Variants in KCNIP4 observed in about 807,000 individuals in gnomAD.
KCNIP4 encodes potassium voltage-gated channel interacting protein 4, also known as Kv channel-interacting protein 4.
Under a neutral mutation model 34.0 loss-of-function variants are expected in KCNIP4, and 12 were observed. That is an observed-to-expected ratio of 0.35 (90% confidence interval 0.23 to 0.57). The LOEUF (loss-of-function observed/expected upper bound fraction) is 0.57. Among genes scored for constraint, KCNIP4 ranks in the 20% least tolerant of loss-of-function variants. KCNIP4 has a pLI of 0.83. For missense variants in KCNIP4, 238 were observed against 311.7 expected, an observed-to-expected ratio of 0.76 and a Z score of 1.78; for synonymous variants, 124 against 102.2, an observed-to-expected ratio of 1.21 and a Z score of -1.29.
At chr4:21,556,920 CAGAAAAAAAA>C (rs1389414896) in intron 1 of KCNIP4, among the ~76,000 whole-genome samples, 1 of 35,664 alleles carries the variant, frequency 2.8e-5, no homozygotes, top group Non-Finnish European at 5.6e-5. Context: ...GACTCCATCT[CAGAAAAAAAA>C]AAAAAAAAAA....
intron 1 of KCNIP4, among the ~76,000 whole-genome samples, chr4:21,624,241 A>T (rs1745175410): frequency 6.6e-6 from 1 of 152,208 alleles, no homozygotes; most frequent in African/African-American, 2.4e-5. Context: ...AGTAATAACT[A>T]GCTCATAGGG....
chr4:21,588,222 T>G (rs1008194824), intron 1 of KCNIP4, among the ~76,000 whole-genome samples: 1 of 152,086 alleles, frequency 6.6e-6, no homozygotes. Context: ...ATGTAGATAG[T>G]GGTCAGATTC....
chr4:21,144,760 C>T (rs1439280945), intron 1 of KCNIP4, among the ~76,000 whole-genome samples: 1 of 152,162 alleles, frequency 6.6e-6, no homozygotes, highest in African/African-American at 2.4e-5. Context: ...AAACTTAGAG[C>T]CATTTTTGTC....
chr4:21,591,991 A>C (rs1742258697), intron 1 of KCNIP4, among the ~76,000 whole-genome samples: 1 of 152,106 alleles, frequency 6.6e-6, no homozygotes, highest in Non-Finnish European at 1.5e-5. Flanking sequence ...CTGCATTGGA[A>C]GTTGTCTGTA....
At chr4:20,945,767 T>C (rs1732129742) in intron 1 of KCNIP4, among the ~76,000 whole-genome samples, 1 of 152,166 alleles carries the variant, frequency 6.6e-6, no homozygotes. Context: ...CTCCCCGACA[T>C]GTTTCCACTG....
At chr4:21,722,690 T>C (rs1400604067) in intron 1 of KCNIP4, among the ~76,000 whole-genome samples, 1 of 152,140 alleles carries the variant, frequency 6.6e-6, no homozygotes, top group East Asian at 1.9e-4. Context: ...GTTACTGCCG[T>C]GCTAGAGGGA....
chr4:21,553,333 G>A lies in KCNIP4; in HGVS notation c.61+395238C>T, dbSNP rs1016978887. ...TGAAATCAATGACAGCAGCCTGGCAGAGGCGTTGAGAGAATTGAATGTGAT... is the reference window on the plus strand; with the variant it reads ...TGAAATCAATGACAGCAGCCTGGCAAAGGCGTTGAGAGAATTGAATGTGAT... On this transcript the variant is annotated intron_variant, in intron 1 of 8. Transcript: ENST00000382152. Among the ~76,000 whole-genome samples, 14 of 152,272 alleles carry A rather than the reference G, an allele frequency of 9.2e-5. 1 individual carries two copies. The highest frequency in any genetic ancestry group is 7.9e-4 in the Admixed American group (12 of 15,278).
chr4:21,364,645 A>G (rs1719553020), intron 1 of KCNIP4, among the ~76,000 whole-genome samples: 1 of 152,136 alleles, frequency 6.6e-6, no homozygotes, highest in African/African-American at 2.4e-5. Flanking sequence ...TAAATAAATG[A>G]CAAGTCAATG....
intron 5 of KCNIP4, among the ~76,000 whole-genome samples, chr4:20,746,476 C>A (rs1752452683): frequency 6.6e-6 from 1 of 151,440 alleles, no homozygotes; most frequent in Non-Finnish European, 1.5e-5. Flanking sequence ...ACCTATGTGA[C>A]AAAAATGCAC....
At chr4:21,642,630 T>C (rs1746695690) in intron 1 of KCNIP4, among the ~76,000 whole-genome samples, 1 of 152,088 alleles carries the variant, frequency 6.6e-6, no homozygotes, top group African/African-American at 2.4e-5. Context: ...CCTTACGCTC[T>C]GCTTGTTCAG....
At chr4:21,031,797 C>T (rs1447691636) in intron 1 of KCNIP4, among the ~76,000 whole-genome samples, 1 of 152,184 alleles carries the variant, frequency 6.6e-6, no homozygotes, top group Non-Finnish European at 1.5e-5. Context: ...GCCAACTCTA[C>T]ATCGCTAGCT....
chr4:21,417,691 GTCATGAAGTAGTCC>G (rs1354035419), intron 1 of KCNIP4, among the ~76,000 whole-genome samples: 2 of 152,126 alleles, frequency 1.3e-5, no homozygotes, highest in African/African-American at 4.8e-5. Context: ...AGCATGAGAT[GTCATGAAGTAGTCC>G]TCGGATTTTT....
intron 3 of KCNIP4, among the ~76,000 whole-genome samples, chr4:20,811,920 A>G (rs1330132215): frequency 6.6e-6 from 1 of 152,164 alleles, no homozygotes; most frequent in African/African-American, 2.4e-5. Context: ...CAGATTTTGC[A>G]GAGCTTTAAG....
At chr4:21,035,835 C>A (rs1202405583) in intron 1 of KCNIP4, among the ~76,000 whole-genome samples, 1 of 152,088 alleles carries the variant, frequency 6.6e-6, no homozygotes, top group African/African-American at 2.4e-5. Context: ...GCAAGGATGG[C>A]CCTTGCATTG....
intron 1 of KCNIP4, among the ~76,000 whole-genome samples, chr4:21,286,874 T>G (rs1192392251): frequency 6.6e-6 from 1 of 152,182 alleles, no homozygotes; most frequent in East Asian, 1.9e-4. Flanking sequence ...TTCTTTCCAT[T>G]CTTCCATGCA....
chr4:20,761,079 C>G (rs1754920317), intron 3 of KCNIP4, among the ~76,000 whole-genome samples: 1 of 152,120 alleles, frequency 6.6e-6, no homozygotes, highest in South Asian at 2.1e-4. Context: ...CTCATTGAAT[C>G]AGTTTAAGGC....
At chr4:21,809,073 C>T (rs1305846216) in intron 1 of KCNIP4, among the ~76,000 whole-genome samples, 1 of 152,130 alleles carries the variant, frequency 6.6e-6, no homozygotes, top group Admixed American at 6.6e-5. Flanking sequence ...CTGTGGGATA[C>T]CCAAATAGCT....
At chr4:21,116,133 C>A (rs1336099234) in intron 1 of KCNIP4, among the ~76,000 whole-genome samples, 1 of 152,182 alleles carries the variant, frequency 6.6e-6, no homozygotes, top group African/African-American at 2.4e-5. Context: ...ACACAGGCTT[C>A]GTCAAAGTCT....
intron 1 of KCNIP4, among the ~76,000 whole-genome samples, chr4:21,644,063 A>G (rs555694981): frequency 1.4e-5 from 2 of 139,028 alleles, no homozygotes; most frequent in Admixed American, 7.1e-5. Flanking sequence ...TGTGTAAGGA[A>G]CGGTGTCCTG....
Sources: gnomAD v4.1 joint callset for allele counts (sites outside exome capture counted in the v4.1 genomes callset) on GRCh38, gnomAD v4.1.1 for gene constraint, MANE v1.5 for transcripts, NCBI Gene and HGNC (gene_info 2026-07-23, HGNC 2026-07-21) for gene names.